PRKG1: variants seen among roughly 807,000 people sequenced by gnomAD.
PRKG1 encodes the protein cGMP-dependent protein kinase 1.
In PRKG1, 35 loss-of-function variants were observed where a neutral mutation model predicts 88.1. The observed-to-expected ratio is 0.40, with a 90% CI of 0.30 to 0.53. The LOEUF (loss-of-function observed/expected upper bound fraction) is 0.53, where lower values mean the gene tolerates loss of function less well. PRKG1 is among the 20% of genes least tolerant of loss of function. The probability of loss-of-function intolerance (pLI) is 0.59; values close to 1 mark genes in which losing one functional copy is unlikely to be tolerated. For missense variants in PRKG1, 540 were observed against 839.8 expected, an observed-to-expected ratio of 0.64 and a Z score of 4.41; for synonymous variants, 303 against 292.5, an observed-to-expected ratio of 1.04 and a Z score of -0.37.
At chr10:51,631,171 T>G (rs1589146382) in intron 3 of PRKG1, among the ~76,000 whole-genome samples, 1 of 152,342 alleles carries the variant, frequency 6.6e-6, no homozygotes, top group East Asian at 1.9e-4. Flanking sequence ...TTCCTTTTGT[T>G]GGCATTCTTA....
chr10:51,342,102 C>T (rs767676929), intron 2 of PRKG1, among the ~76,000 whole-genome samples: 23 of 152,082 alleles, frequency 1.5e-4, no homozygotes, highest in East Asian at 3.9e-4. Context: ...GAAGATGACA[C>T]GTATTTTAGC....
intron 3 of PRKG1, among the ~76,000 whole-genome samples, chr10:51,639,163 G>C (rs1839730846): frequency 6.6e-6 from 1 of 151,900 alleles, no homozygotes; most frequent in South Asian, 2.1e-4. Context: ...GGCTGGGCAC[G>C]GTGGCTCACA....
At position 51,835,577 on chromosome 10, in the gene PRKG1, T is replaced by C. The variant is rs775193905; in HGVS notation, c.698+30887T>C. On this transcript the variant is annotated intron_variant, in intron 4 of 17. Coordinates refer to ENST00000373980, the MANE Select transcript of PRKG1 (RefSeq NM_006258.4). ...TGAAAATATCATTTCCCCATGAACA[T>C]AAATTATAACTTTTTTTCATTGGTT... Among the ~76,000 whole-genome samples the C allele has an allele frequency of 1.0e-3, 154 of 152,340 alleles. 2 individuals carry two copies. In the Middle Eastern group the frequency reaches 0.017, roughly 17 times the overall value.
intron 3 of PRKG1, among the ~76,000 whole-genome samples, chr10:51,516,206 G>A (rs1387866000): frequency 6.6e-6 from 1 of 152,104 alleles, no homozygotes; most frequent in Non-Finnish European, 1.5e-5. Context: ...GAATGGGGAT[G>A]GGAAGGGAAG....
chr10:51,807,318 G>A (rs923368725), intron 4 of PRKG1, among the ~76,000 whole-genome samples: 20 of 152,104 alleles, frequency 1.3e-4, no homozygotes, highest in Middle Eastern at 3.2e-3. Flanking sequence ...CCTTGTAAGT[G>A]CAGGTCCTAT....
chr10:51,918,176 T>G (rs1053651738), intron 5 of PRKG1, among the ~76,000 whole-genome samples: 1 of 152,126 alleles, frequency 6.6e-6, no homozygotes, highest in Non-Finnish European at 1.5e-5. Flanking sequence ...GGGAAGTATT[T>G]TACCCTATGC....
rs941848015 is a variant in PRKG1, at chr10:51,575,489, A to T, written c.592+107653A>T. ...ATTCTTTCCAGAATGTCACAGAAAAAGTTTTATATTTTACCTGGGTTGATT... is the reference window on the plus strand; with the variant it reads ...ATTCTTTCCAGAATGTCACAGAAAATGTTTTATATTTTACCTGGGTTGATT... On this transcript the variant is annotated intron_variant, in intron 3 of 17. Transcript: ENST00000373980. Among the ~76,000 whole-genome samples, 5 of 151,924 alleles carry T rather than the reference A, an allele frequency of 3.3e-5. No homozygotes were observed. The Admixed American group carries it at 3.3e-4, about 10-fold the overall frequency.
At chr10:51,296,630 T>C (rs1840726927) in intron 2 of PRKG1, among the ~76,000 whole-genome samples, 2 of 152,046 alleles carry the variant, frequency 1.3e-5, no homozygotes, top group Non-Finnish European at 2.9e-5. Flanking sequence ...AAATCAACTC[T>C]TGTTTATGGA....
intron 3 of PRKG1, among the ~76,000 whole-genome samples, chr10:51,778,965 G>A (rs1172452388): frequency 1.3e-5 from 2 of 152,146 alleles, no homozygotes; most frequent in Non-Finnish European, 2.9e-5. Flanking sequence ...TGAAAAGATG[G>A]TTGGTTTTTC....
chr10:51,816,649 T>A (rs758276636), intron 4 of PRKG1, among the ~76,000 whole-genome samples: 1 of 151,928 alleles, frequency 6.6e-6, no homozygotes, highest in Non-Finnish European at 1.5e-5. Flanking sequence ...TTTCTTTGAG[T>A]TCTAATAATG....
intron 2 of PRKG1, among the ~76,000 whole-genome samples, chr10:51,446,232 C>T (rs1839269209): frequency 6.6e-6 from 1 of 151,972 alleles, no homozygotes; most frequent in Non-Finnish European, 1.5e-5. Context: ...TACCTTACCA[C>T]CCAAAGCTTT....
At chr10:51,682,176 C>G (rs942141788) in intron 3 of PRKG1, among the ~76,000 whole-genome samples, 1 of 152,180 alleles carries the variant, frequency 6.6e-6, no homozygotes, top group South Asian at 2.1e-4. Flanking sequence ...TTGGGTCAAA[C>G]AGAGTCAGCT....
At chr10:51,855,879 C>CA (rs1437319573) in intron 4 of PRKG1, among the ~76,000 whole-genome samples, 4 of 152,122 alleles carry the variant, frequency 2.6e-5, no homozygotes, top group Non-Finnish European at 4.4e-5. Context: ...ACAAACTTGA[C>CA]GGCTTAAGAA....
At chr10:52,080,741 T>C (rs1247884859) in intron 7 of PRKG1, among the ~76,000 whole-genome samples, 1 of 152,220 alleles carries the variant, frequency 6.6e-6, no homozygotes, top group East Asian at 1.9e-4. Flanking sequence ...TTTATTATTC[T>C]GTTAAAGTTT....
At chr10:51,589,798 T>G (rs185507441) in intron 3 of PRKG1, among the ~76,000 whole-genome samples, 25 of 152,278 alleles carry the variant, frequency 1.6e-4, no homozygotes, top group African/African-American at 6.0e-4. Flanking sequence ...GTTTAAGTGG[T>G]AAAAGTGACA....
chr10:51,244,523 TC>T (rs920646742), intron 2 of PRKG1, among the ~76,000 whole-genome samples: 72 of 152,148 alleles, frequency 4.7e-4, no homozygotes, highest in African/African-American at 1.6e-3. Flanking sequence ...CTGTGGAGTC[TC>T]TATTGCAAAG....
At chr10:51,508,422 G>A (rs997429632) in intron 3 of PRKG1, among the ~76,000 whole-genome samples, 1 of 152,102 alleles carries the variant, frequency 6.6e-6, no homozygotes, top group African/African-American at 2.4e-5. Flanking sequence ...GCTATGCCAT[G>A]CATTAATGAC....
At chr10:52,243,435 T>G (rs1353701166) in intron 9 of PRKG1, among the ~76,000 whole-genome samples, 1 of 152,112 alleles carries the variant, frequency 6.6e-6, no homozygotes, top group African/African-American at 2.4e-5. Context: ...GATTAGTTCC[T>G]TTATTTAAAA....
At chr10:52,293,335 C>A (rs900842919) in intron 17 of PRKG1, among the ~76,000 whole-genome samples, 1 of 151,404 alleles carries the variant, frequency 6.6e-6, no homozygotes, top group South Asian at 2.1e-4. Context: ...GGCCATACTG[C>A]CCAAGGTAAT....
Sources: gnomAD v4.1 joint callset for allele counts (sites outside exome capture counted in the v4.1 genomes callset) on GRCh38, gnomAD v4.1.1 for gene constraint, MANE v1.5 for transcripts, NCBI Gene and HGNC (gene_info 2026-07-23, HGNC 2026-07-21) for gene names.